COG2: variants seen among roughly 807,000 people sequenced by gnomAD.
The protein encoded by COG2 is conserved oligomeric Golgi complex subunit 2.
In COG2, 52 loss-of-function variants were observed where a neutral mutation model predicts 90.6. The ratio of observed to expected loss-of-function variants is 0.57; its 90% CI spans 0.46 to 0.72. The LOEUF is 0.72. Ranked by LOEUF, COG2 falls within the 30% of genes least tolerant of loss-of-function variation. The pLI, the probability that COG2 is intolerant of heterozygous loss-of-function variation, is 0.00. For synonymous variants in COG2, 337 were observed against 320.4 expected, an observed-to-expected ratio of 1.05 and a Z score of -0.55; for missense variants, 829 against 891.2, an observed-to-expected ratio of 0.93 and a Z score of 0.89.
chr1:230,676,573 T>C (rs1220420728), intron 9 of COG2, among the ~76,000 whole-genome samples: 1 of 152,198 alleles, frequency 6.6e-6, no homozygotes, highest in Non-Finnish European at 1.5e-5. Flanking sequence ...TCATTTTTAT[T>C]GTTTTAAATC....
rs896211418 is a variant in COG2, at chr1:230,679,381, C to CT, written c.1166+336dup. 2.7e-5 allele frequency: 5 copies of CT among 188,152 alleles called. No individual in the cohort carries two copies. The Admixed American group carries it at 3.0e-4, about 11-fold the overall frequency. 11.7% of individuals were successfully genotyped at this position (188,152 alleles called of 1,614,324 possible). The stretch of plus-strand genomic sequence containing the variant: ...AGAAAGTAGGAGTTATACAGCAGCT[C>CT]TTTTTTTCCATTTTCCCTATTTCAT... On this transcript the variant is annotated intron_variant, in intron 10 of 17. Coordinates refer to ENST00000366669, the MANE Select transcript of COG2 (RefSeq NM_007357.3).
chr1:230,663,541 A>G lies in COG2; in HGVS notation c.381+320A>G, dbSNP rs189830118. 2.8e-3 allele frequency among the ~76,000 whole-genome samples: 433 copies of G among 152,336 alleles called. 2 individuals carry two copies. Among genetic ancestry groups the G allele is most frequent in the Non-Finnish European group, 4.7e-3 (321 of 68,028 alleles). On this transcript the variant is annotated intron_variant, in intron 4 of 17. Transcript: ENST00000366669. Reference sequence around the variant, plus strand: ...TTCTCAGCTTTTGTCCAAAGATTCAAGAATGTAGTGCACTGCTAGAAAAGA... The same window carrying G: ...TTCTCAGCTTTTGTCCAAAGATTCAGGAATGTAGTGCACTGCTAGAAAAGA...
At chr1:230,678,077 G>C in intron 9 of COG2, 1 of 985,364 alleles carries the variant, frequency 1.0e-6, no homozygotes, top group Non-Finnish European at 1.2e-6. Context: ...TAGATTAATG[G>C]TTTGATGACC....
intron 8 of COG2, among the ~76,000 whole-genome samples, chr1:230,672,361 T>G (rs1662470448): frequency 6.6e-6 from 1 of 152,196 alleles, no homozygotes; most frequent in Non-Finnish European, 1.5e-5. Context: ...GTAGAAACTT[T>G]CCCTCCATAG....
intron 11 of COG2, chr1:230,684,177 G>T (rs1662828757): frequency 6.6e-6 from 1 of 152,428 alleles, no homozygotes; most frequent in Admixed American, 6.5e-5. Context: ...AAATGAATAA[G>T]AATATAGGAA....
chr1:230,678,322 A>T, intron 9 of COG2: 1 of 985,390 alleles, frequency 1.0e-6, no homozygotes, highest in South Asian at 4.7e-5. Context: ...GATGATGATG[A>T]TGATGGTAGT....
intron 5 of COG2, among the ~76,000 whole-genome samples, chr1:230,666,246 G>A (rs1160193804): frequency 3.9e-5 from 6 of 152,100 alleles, no homozygotes; most frequent in African/African-American, 1.4e-4. Context: ...CTTAGGAAAC[G>A]GTGCCTTTAT....
chr1:230,664,250 G>GT (rs201916406), intron 4 of COG2, among the ~76,000 whole-genome samples: 1 of 151,438 alleles, frequency 6.6e-6, no homozygotes, highest in Admixed American at 6.6e-5. Flanking sequence ...AAAAAAAAAA[G>GT]TTTTTTTAAA....
intron 5 of COG2, among the ~76,000 whole-genome samples, chr1:230,666,740 G>A (rs980873499): frequency 6.6e-6 from 1 of 152,032 alleles, no homozygotes; most frequent in South Asian, 2.1e-4. Context: ...CCTTTCACCT[G>A]CCCGATTTCT....
At chr1:230,655,397 C>T (rs1266579005) in intron 1 of COG2, among the ~76,000 whole-genome samples, 3 of 152,110 alleles carry the variant, frequency 2.0e-5, no homozygotes, top group South Asian at 2.1e-4. Context: ...TGATGGATTA[C>T]GTTTATTGAT....
rs150442696 is a variant in COG2 at position 230,663,752 on chromosome 1, G to A, written c.381+531G>A. Among the ~76,000 whole-genome samples, 1,328 of 152,284 alleles carry A rather than the reference G, an allele frequency of 8.7e-3. 9 individuals are homozygous for A. Among genetic ancestry groups the A allele is most frequent in the South Asian group, 0.021 (101 of 4,820 alleles). On this transcript the variant is annotated intron_variant, in intron 4 of 17. Coordinates refer to ENST00000366669, the MANE Select transcript of COG2 (RefSeq NM_007357.3). ...ATAATATCTGCCTTGTGTAATAAAT[G>A]TCTTTAATGAATTGGCACTTAACGT...
chr1:230,660,796 T>A lies in COG2; in HGVS notation c.273T>A (p.Pro91=). Residue 91 remains proline (P), a synonymous_variant, in exon 3 of 18, where the codon CCT becomes CCA. Coordinates refer to ENST00000366669, the MANE Select transcript of COG2 (RefSeq NM_007357.3). The part of the protein sequence containing the change: ...MDKALNQLSV[P]LGQLREEVLS... Reference sequence around the variant, plus strand: ...AAGCCCTCAACCAGCTTTCTGTGCCTTTGGGACAATTACGAGAAGAGGTTC... The same window carrying A: ...AAGCCCTCAACCAGCTTTCTGTGCCATTGGGACAATTACGAGAAGAGGTTC... 1 of 1,587,218 alleles carries A rather than the reference T, an allele frequency of 6.3e-7. No individual in the cohort carries two copies. Among genetic ancestry groups the A allele is most frequent in the Non-Finnish European group, 8.6e-7 (1 of 1,168,404 alleles).
intron 1 of COG2, among the ~76,000 whole-genome samples, chr1:230,648,331 A>G (rs1167767260): frequency 6.6e-6 from 1 of 152,248 alleles, no homozygotes; most frequent in Admixed American, 6.5e-5. Context: ...ATGTGCCATC[A>G]TTTCACAGCA....
intron 12 of COG2, among the ~76,000 whole-genome samples, chr1:230,686,488 T>A (rs1219125928): frequency 6.6e-6 from 1 of 152,226 alleles, no homozygotes; most frequent in Admixed American, 6.5e-5. Context: ...TTTTTTCCCT[T>A]ATAAACAATG....
intron 1 of COG2, among the ~76,000 whole-genome samples, chr1:230,657,654 A>G (rs1183858850): frequency 6.6e-6 from 1 of 152,142 alleles, no homozygotes; most frequent in Non-Finnish European, 1.5e-5. Flanking sequence ...AACATTCTGA[A>G]TAGTGTTTTC....
intron 5 of COG2, among the ~76,000 whole-genome samples, chr1:230,666,424 C>T (rs1662324973): frequency 6.6e-6 from 1 of 152,164 alleles, no homozygotes; most frequent in South Asian, 2.1e-4. Context: ...TGCCTCGTTT[C>T]AGGCAGTGGC....
intron 11 of COG2, 86 bp downstream of exon 11, chr1:230,683,721 C>T (rs1275854075): frequency 5.1e-6 from 4 of 786,804 alleles, no homozygotes; most frequent in South Asian, 1.6e-5. Context: ...GTATTCTGAG[C>T]GTACTTTTAC....
At chr1:230,664,717 C>G in intron 5 of COG2, 130 bp downstream of exon 5, 2 of 515,602 alleles carry the variant, frequency 3.9e-6, no homozygotes, top group East Asian at 6.5e-5. Flanking sequence ...AAATGTAGCT[C>G]AAGCAAAGCA....
chr1:230,666,396 C>G (rs1048638598), intron 5 of COG2, among the ~76,000 whole-genome samples: 1 of 152,104 alleles, frequency 6.6e-6, no homozygotes, highest in Non-Finnish European at 1.5e-5. Flanking sequence ...GTCTGCCTCC[C>G]CCTCTCAGTT....
Sources: gnomAD v4.1 joint callset for allele counts (sites outside exome capture counted in the v4.1 genomes callset) on GRCh38, gnomAD v4.1.1 for gene constraint, MANE v1.5 for transcripts, NCBI Gene and HGNC (gene_info 2026-07-23, HGNC 2026-07-21) for gene names.